The following C5 variants were observed in gnomAD, a reference collection of about 807,000 sequenced individuals.
C5 encodes the protein complement C5, also known as C3 and PZP-like alpha-2-macroglobulin domain-containing protein 4.
In C5, 140 loss-of-function variants were observed where a neutral mutation model predicts 218.8. That is an observed-to-expected ratio of 0.64 (90% CI 0.56 to 0.74). The LOEUF is 0.74. C5 is among the 30% of genes least tolerant of loss of function. C5 has a pLI of 0.00. For synonymous variants in C5, 614 were observed against 682.3 expected, an observed-to-expected ratio of 0.90 and a Z score of 1.56; for missense variants, 1,700 against 1,969.6, an observed-to-expected ratio of 0.86 and a Z score of 2.59.
At chr9:121,031,995 G>T in intron 6 of C5, 118 bp downstream of exon 6, 1 of 603,896 alleles carries the variant, frequency 1.7e-6, no homozygotes, top group Admixed American at 2.2e-5. Flanking sequence ...CCCAGGAGGC[G>T]GAGGTTGCAG....
Position 121,021,682 on chromosome 9 carries a change from C to A in C5, c.1129G>T (p.Asp377Tyr). 2 of 1,613,436 alleles carry A rather than the reference C, an allele frequency of 1.2e-6. No homozygotes were observed. ...CCTCCTACCAACTGGTCAAGCGAAT[C>A]TTTAACCTGCACCTGTTTGTCAAAA... ...IPYPIKVQVK[D>Y]SLDQLVGGVP... Residue 377 changes from aspartate to tyrosine, a missense_variant, in exon 11 of 41, where the codon GAT (aspartate) becomes TAT (tyrosine). Asp to Tyr is a radical substitution (Grantham distance 160). Transcript: ENST00000223642.
At chr9:120,998,281 A>G (rs2047134362) in intron 20 of C5, among the ~76,000 whole-genome samples, 1 of 152,228 alleles carries the variant, frequency 6.6e-6, no homozygotes, top group Non-Finnish European at 1.5e-5. Flanking sequence ...ATGCAAACAG[A>G]TGTCTAGAAA....
At chr9:121,070,411 A>C in the C5 span, among the ~76,000 whole-genome samples, 2 of 103,194 alleles carry the variant, frequency 1.9e-5, no homozygotes, top group African/African-American at 6.1e-5. Context: ...ATATATATAT[A>C]TATATATATA....
chr9:121,053,312 G>A (rs562594530), upstream of C5, among the ~76,000 whole-genome samples: 18 of 152,314 alleles, frequency 1.2e-4, no homozygotes, highest in South Asian at 1.5e-3. Flanking sequence ...GCAGTCTCAC[G>A]TTTTAATCCT....
At chr9:120,990,028 T>C (rs1564142001) in intron 23 of C5, among the ~76,000 whole-genome samples, 1 of 152,174 alleles carries the variant, frequency 6.6e-6, no homozygotes. Context: ...GTGGACTGAT[T>C]GCTGCAAGAG....
At chr9:121,028,415 T>C (rs1246387829) in intron 7 of C5, among the ~76,000 whole-genome samples, 1 of 152,204 alleles carries the variant, frequency 6.6e-6, no homozygotes, top group African/African-American at 2.4e-5. Context: ...TGCAGCACTA[T>C]TCACACTAGC....
chr9:121,068,981 C>T, the C5 span, among the ~76,000 whole-genome samples: 18 of 152,188 alleles, frequency 1.2e-4, no homozygotes, highest in African/African-American at 3.6e-4. Context: ...AAACCTTGTA[C>T]GTGAGTTTAT....
intron 2 of C5, among the ~76,000 whole-genome samples, chr9:121,044,956 T>TA: frequency 6.7e-6 from 1 of 150,162 alleles, no homozygotes. Flanking sequence ...TTCTTTTTTT[T>TA]TTTTTTTTTT....
chr9:120,963,670 G>C lies in C5; in HGVS notation c.4289C>G (p.Thr1430Ser). 6.2e-7 allele frequency: 1 copy of C among 1,613,762 alleles called. No homozygotes were observed. Among genetic ancestry groups the C allele is most frequent in the Non-Finnish European group, 8.5e-7 (1 of 1,179,732 alleles). ...GTCTTCTTCATTTGCACTGATTCCAGTAGGCAAGGAGATGTCCATCACCGC... is the reference window on the plus strand; with the variant it reads ...GTCTTCTTCATTTGCACTGATTCCACTAGGCAAGGAGATGTCCATCACCGC... ...SHAVMDISLP[T>S]GISANEEDLK... The change falls in exon 34 of 41, where the codon ACT (threonine) becomes AGT (serine). Residue 1430 changes from threonine to serine, a missense_variant. Physicochemically the swap from Thr to Ser is moderately conservative, Grantham distance 58 (BLOSUM62 1). Coordinates refer to ENST00000223642, the MANE Select transcript of C5 (RefSeq NM_001735.3).
At chr9:121,065,891 A>T in the C5 span, among the ~76,000 whole-genome samples, 2 of 152,222 alleles carry the variant, frequency 1.3e-5, no homozygotes, top group Non-Finnish European at 2.9e-5. Flanking sequence ...GATGTAAAGA[A>T]ACTGTAAGAA....
At chr9:121,004,377 G>A (rs910257996) in intron 20 of C5, among the ~76,000 whole-genome samples, 2 of 151,972 alleles carry the variant, frequency 1.3e-5, no homozygotes, top group Non-Finnish European at 2.9e-5. Flanking sequence ...ATAATAAGGT[G>A]ATCAACAGAA....
In C5 at chr9:121,020,154, G is replaced by C. The variant is rs754614231; in HGVS notation, c.1328C>G (p.Pro443Arg). 2 of 1,613,860 alleles carry C rather than the reference G, an allele frequency of 1.2e-6. No homozygotes were observed. Among genetic ancestry groups the C allele is most frequent in the Non-Finnish European group, 1.7e-6 (2 of 1,179,794 alleles). The change falls in exon 12 of 41, where the codon CCA (proline) becomes CGA (arginine). Residue 443 changes from proline (P) to arginine (R), a missense_variant. By Grantham distance (103) the Pro-to-Arg change is moderately radical (BLOSUM62 -2). Transcript: ENST00000223642. ...ACCTTCCCTGGCCTGATTTTCTTCT[G>C]GAAGATCTGGAGCATCAGTTTTGAC... ...FNVKTDAPDL[P>R]EENQAREGYR...
At chr9:121,010,798 C>G (rs756224713) in intron 17 of C5, among the ~76,000 whole-genome samples, 7 of 152,044 alleles carry the variant, frequency 4.6e-5, no homozygotes, top group Non-Finnish European at 1.0e-4. Flanking sequence ...ACCTATGGAA[C>G]AGAATAGAAA....
In C5 at chr9:121,046,415, T is replaced by C. The variant is rs56048103; in HGVS notation, c.66-32A>G. ...AAAAAGGAAAAGATAAGGCTCAATG[T>C]CTTTATATGACATATTTTCTTTTAC... On this transcript the variant is annotated intron_variant, in intron 1 of 40. Coordinates refer to ENST00000223642, the MANE Select transcript of C5 (RefSeq NM_001735.3). 52 of 1,430,928 alleles carry C rather than the reference T, an allele frequency of 3.6e-5. No individual in the cohort carries two copies. In the East Asian group the frequency reaches 4.1e-4, roughly 11 times the overall value. The allele number at this position is 1,430,928 out of a possible 1,614,324, so 88.6% of individuals were successfully genotyped here. A position where few individuals can be genotyped will look rare whatever the true frequency, so the allele number is the denominator to read the frequency against.
chr9:121,000,884 A>G (rs1452144379), intron 20 of C5, among the ~76,000 whole-genome samples: 1 of 152,102 alleles, frequency 6.6e-6, no homozygotes, highest in African/African-American at 2.4e-5. Context: ...CTTTGTGTCC[A>G]TATATACTCA....
At chr9:120,956,205 A>G (rs2131661748) in intron 39 of C5, among the ~76,000 whole-genome samples, 1 of 152,256 alleles carries the variant, frequency 6.6e-6, no homozygotes, top group South Asian at 2.1e-4. Context: ...GAGGCAGGAG[A>G]ATCACTTGAA....
At chr9:121,064,119 T>C in the C5 span, among the ~76,000 whole-genome samples, 1 of 152,154 alleles carries the variant, frequency 6.6e-6, no homozygotes, top group East Asian at 1.9e-4. Flanking sequence ...TCTTTTTATT[T>C]TTTGTTTTTT....
At chr9:120,958,590 T>TA (rs2046803642) in intron 38 of C5, among the ~76,000 whole-genome samples, 1 of 151,536 alleles carries the variant, frequency 6.6e-6, no homozygotes, top group Non-Finnish European at 1.5e-5. Context: ...CCAAAATCAA[T>TA]ATAAATTCAA....
In C5 at chr9:120,976,988, T is replaced by C. The variant is rs574729478; in HGVS notation, c.3659-83A>G. The C allele has an allele frequency of 1.8e-4, 220 of 1,205,412 alleles. No homozygotes were observed. The African/African-American group carries it at 3.0e-3, about 16-fold the overall frequency. 74.7% of individuals were successfully genotyped at this position (1,205,412 alleles called of 1,614,324 possible). A position where few individuals can be genotyped will look rare whatever the true frequency, so the allele number is the denominator to read the frequency against. ...AATTCTACCAGGTGTATTATGGCCT[T>C]CCAGTTTCTAGAAGCTACTTACTTT... On this transcript the variant is annotated intron_variant, in intron 28 of 40. Transcript: ENST00000223642.
Sources: allele counts gnomAD v4.1 joint callset (sites outside exome capture counted in the v4.1 genomes callset), GRCh38; gene constraint gnomAD v4.1.1; transcripts MANE v1.5; gene names NCBI Gene and HGNC (gene_info 2026-07-23, HGNC 2026-07-21).